Variants in ZSWIM5 observed in about 807,000 individuals in gnomAD.
ZSWIM5 encodes zinc finger SWIM domain-containing protein 5.
ZSWIM5 carries 55 observed loss-of-function variants against 119.6 expected under a neutral mutation model. The ratio of observed to expected loss-of-function variants is 0.46; its 90% CI spans 0.37 to 0.58. ZSWIM5 has a LOEUF of 0.58. Ranked by LOEUF, ZSWIM5 falls within the 20% of genes least tolerant of loss-of-function variation. ZSWIM5 has a pLI of 0.00. For synonymous variants in ZSWIM5, 537 were observed against 606.9 expected, an observed-to-expected ratio of 0.88 and a Z score of 1.69; for missense variants, 1,193 against 1,512.8, an observed-to-expected ratio of 0.79 and a Z score of 3.51.
intron 1 of ZSWIM5, among the ~76,000 whole-genome samples, chr1:45,143,264 T>C (rs1266399573): frequency 6.6e-6 from 1 of 151,502 alleles, no homozygotes; most frequent in Non-Finnish European, 1.5e-5. Flanking sequence ...AATATTAGCA[T>C]ACCAAGTCCA....
chr1:45,185,868 C>T (rs12565689), intron 1 of ZSWIM5, among the ~76,000 whole-genome samples: 2 of 152,110 alleles, frequency 1.3e-5, no homozygotes, highest in East Asian at 3.9e-4. Flanking sequence ...CTAGAACTAT[C>T]AATACCATTT....
chr1:45,053,127 CAAAA>C (rs60199581), intron 4 of ZSWIM5, among the ~76,000 whole-genome samples: 4 of 122,150 alleles, frequency 3.3e-5, no homozygotes, highest in Non-Finnish European at 5.1e-5. Flanking sequence ...CCGTCTCAAA[CAAAA>C]AAAAAAAAAA....
intron 2 of ZSWIM5, among the ~76,000 whole-genome samples, chr1:45,073,249 ATTTTTTT>A (rs58448888): frequency 5.4e-5 from 3 of 56,052 alleles, no homozygotes; most frequent in African/African-American, 2.4e-4. Context: ...TTGCTACTGA[ATTTTTTT>A]TTTTTTTTTT....
intron 2 of ZSWIM5, chr1:45,070,546 A>T: frequency 1.9e-6 from 1 of 527,670 alleles, no homozygotes; most frequent in South Asian, 2.7e-5. Context: ...TGTTCTTTGC[A>T]TTTGTTTTTG....
At chr1:45,039,687 T>TTTAAA (rs1289882513) in intron 7 of ZSWIM5, among the ~76,000 whole-genome samples, 1 of 151,838 alleles carries the variant, frequency 6.6e-6, no homozygotes, top group Non-Finnish European at 1.5e-5. Context: ...GCCTGGCATA[T>TTTAAA]TTAATTTAAT....
At chr1:45,168,663 T>G (rs1645925677) in intron 1 of ZSWIM5, among the ~76,000 whole-genome samples, 1 of 82,606 alleles carries the variant, frequency 1.2e-5, no homozygotes. Flanking sequence ...AGACTCCATC[T>G]CAAAAAAAAA....
chr1:45,082,510 T>G (rs1463019682), intron 2 of ZSWIM5, among the ~76,000 whole-genome samples: 1 of 152,214 alleles, frequency 6.6e-6, no homozygotes. Context: ...TATGTCTTCT[T>G]CTTATTCAGT....
At chr1:45,174,591 T>C (rs1195519880) in intron 1 of ZSWIM5, among the ~76,000 whole-genome samples, 1 of 147,496 alleles carries the variant, frequency 6.8e-6, no homozygotes, top group Admixed American at 6.8e-5. Flanking sequence ...AAAAAAAAAT[T>C]AGCTGGGCAT....
At chr1:45,024,595 T>C (rs1244820814) in intron 11 of ZSWIM5, among the ~76,000 whole-genome samples, 2 of 152,134 alleles carry the variant, frequency 1.3e-5, no homozygotes, top group African/African-American at 2.4e-5. Context: ...AAAAAGTCAT[T>C]GTCAAACCCC....
intron 1 of ZSWIM5, among the ~76,000 whole-genome samples, chr1:45,099,456 A>T (rs1645424047): frequency 6.6e-6 from 1 of 152,196 alleles, no homozygotes; most frequent in South Asian, 2.1e-4. Context: ...TCACAGCCGA[A>T]CTCTACCAGA....
At chr1:45,145,026 A>T (rs1356972847) in intron 1 of ZSWIM5, among the ~76,000 whole-genome samples, 1 of 152,206 alleles carries the variant, frequency 6.6e-6, no homozygotes, top group African/African-American at 2.4e-5. Flanking sequence ...ACTACTCTGA[A>T]GAGAATATAC....
At chr1:45,061,738 G>T (rs1645153002) in intron 2 of ZSWIM5, among the ~76,000 whole-genome samples, 2 of 142,572 alleles carry the variant, frequency 1.4e-5, no homozygotes, top group African/African-American at 5.2e-5. Flanking sequence ...CACCTCACCA[G>T]TTTTTTTTTT....
At chr1:45,071,272 C>T (rs1173871251) in intron 2 of ZSWIM5, among the ~76,000 whole-genome samples, 1 of 152,104 alleles carries the variant, frequency 6.6e-6, no homozygotes, top group East Asian at 1.9e-4. Flanking sequence ...CATCCCCCCA[C>T]TACCCTTCCC....
At chr1:45,202,034 GAAA>G (rs926407869) in intron 1 of ZSWIM5, among the ~76,000 whole-genome samples, 56 of 145,474 alleles carry the variant, frequency 3.8e-4, no homozygotes, top group African/African-American at 1.1e-3. Flanking sequence ...TCATTGATCA[GAAA>G]AAAAAAAGAT....
intron 2 of ZSWIM5, among the ~76,000 whole-genome samples, chr1:45,081,267 C>CTCTCCCCATGG (rs1557759139): frequency 5.4e-5 from 8 of 148,880 alleles, no homozygotes; most frequent in South Asian, 2.2e-4. Context: ...CTCCCTCTCC[C>CTCTCCCCATGG]TCTCCCTCTC....
intron 1 of ZSWIM5, among the ~76,000 whole-genome samples, chr1:45,165,456 T>C (rs1027447798): frequency 6.6e-6 from 1 of 151,758 alleles, no homozygotes; most frequent in Non-Finnish European, 1.5e-5. Context: ...AGGTAAGAAA[T>C]AACTAAGGTC....
chr1:45,059,140 C>A (rs1645139439), intron 3 of ZSWIM5, among the ~76,000 whole-genome samples: 1 of 152,128 alleles, frequency 6.6e-6, no homozygotes, highest in Admixed American at 6.5e-5. Flanking sequence ...ATCAATTCCA[C>A]TCCAAGAAAG....
chr1:45,138,889 TTTTTC>T (rs1334614164), intron 1 of ZSWIM5, among the ~76,000 whole-genome samples: 5 of 149,364 alleles, frequency 3.3e-5, no homozygotes, highest in East Asian at 2.0e-4. Context: ...TTTCTTTTTC[TTTTTC>T]TTTTTTTTTT....
At position 45,192,827 on chromosome 1, in the gene ZSWIM5, A is replaced by T. The variant is rs935588568; in HGVS notation, c.595+12929T>A. 7.2e-5 allele frequency among the ~76,000 whole-genome samples: 11 copies of T among 152,224 alleles called. No homozygotes were observed. The South Asian group carries it at 1.0e-3, about 14-fold the overall frequency. On this transcript the variant is annotated intron_variant, in intron 1 of 13. Transcript: ENST00000359600. ...AACATTTGTTATTTTCTGGCTTTTT[A>T]AAAAAATAATAACCATCCTAATGGG...
Sources: allele counts gnomAD v4.1 joint callset (sites outside exome capture counted in the v4.1 genomes callset), GRCh38; gene constraint gnomAD v4.1.1; transcripts MANE v1.5; gene names NCBI Gene and HGNC (gene_info 2026-07-23, HGNC 2026-07-21).